Variants in MYO10 observed in about 807,000 individuals in gnomAD.
The protein encoded by MYO10 is myosin X, also known as unconventional myosin-X.
A neutral mutation model predicts 257.3 loss-of-function variants in MYO10; 133 were observed. That is an observed-to-expected ratio of 0.52 (90% CI 0.45 to 0.60). The LOEUF (loss-of-function observed/expected upper bound fraction) is 0.60, where lower values mean the gene tolerates loss of function less well. MYO10 is among the 20% of genes least tolerant of loss of function. The probability of loss-of-function intolerance (pLI) is 0.00; values close to 1 mark genes in which losing one functional copy is unlikely to be tolerated. For missense variants in MYO10, 2,399 were observed against 2,635.7 expected (o/e 0.91, Z 1.97); for synonymous variants, 1,104 against 1,028.6 (o/e 1.07, Z -1.40).
intron 21 of MYO10, among the ~76,000 whole-genome samples, chr5:16,708,637 C>A (rs1175631380): frequency 6.6e-6 from 1 of 152,180 alleles, no homozygotes; most frequent in Non-Finnish European, 1.5e-5. Flanking sequence ...TCAGGGCTCA[C>A]TGCAGTCTTG....
chr5:16,761,386 C>A (rs1740708676), intron 17 of MYO10, 78 bp downstream of exon 17: 2 of 1,151,014 alleles, frequency 1.7e-6, no homozygotes, highest in South Asian at 1.3e-5. Context: ...GCAATTTGTT[C>A]TATATTTGTG....
At chr5:16,805,842 C>T (rs1742260353) in intron 3 of MYO10, among the ~76,000 whole-genome samples, 1 of 152,130 alleles carries the variant, frequency 6.6e-6, no homozygotes, top group African/African-American at 2.4e-5. Context: ...ACAGCTGCAG[C>T]ACAAATTGCT....
At chr5:16,754,700 A>C in intron 19 of MYO10, 128 bp downstream of exon 19, 1 of 523,226 alleles carries the variant, frequency 1.9e-6, no homozygotes, top group South Asian at 5.0e-5. Context: ...TCAAGTTATA[A>C]TAATGTCATA....
At chr5:16,670,433 C>T in intron 39 of MYO10, 93 bp downstream of exon 39, 1 of 1,157,422 alleles carries the variant, frequency 8.6e-7, no homozygotes, top group South Asian at 1.6e-5. Flanking sequence ...CAAAATGCTC[C>T]ATCTTGTCTT....
intron 1 of MYO10, among the ~76,000 whole-genome samples, chr5:16,890,294 A>C (rs1745014243): frequency 6.6e-6 from 1 of 151,918 alleles, no homozygotes; most frequent in Admixed American, 6.5e-5. Context: ...AGAATGTGAA[A>C]TGATGCAGCT....
chr5:16,716,052 T>G (rs1738857493), intron 19 of MYO10, among the ~76,000 whole-genome samples: 1 of 67,230 alleles, frequency 1.5e-5, no homozygotes. Flanking sequence ...TGACACTCCG[T>G]CTCGAAAAAA....
At chr5:16,866,014 A>AACACACACACACACACACAC (rs34718010) in intron 2 of MYO10, among the ~76,000 whole-genome samples, 1 of 136,484 alleles carries the variant, frequency 7.3e-6, no homozygotes, top group African/African-American at 2.8e-5. Flanking sequence ...TATTTACCCA[A>AACACACACACACACACACAC]ACACACACAC....
intron 19 of MYO10, among the ~76,000 whole-genome samples, chr5:16,737,231 T>C (rs952949116): frequency 4.4e-4 from 67 of 152,290 alleles, no homozygotes; most frequent in African/African-American, 1.5e-3. Context: ...AAACTTTGGG[T>C]ATATTACAGA....
intron 1 of MYO10, among the ~76,000 whole-genome samples, chr5:16,934,884 CACTCAGAAAACA>C: frequency 1.3e-5 from 2 of 152,210 alleles, no homozygotes; most frequent in African/African-American, 4.8e-5. Context: ...AGCGGTTCTG[CACTCAGAAAACA>C]TTCCCTGGCT....
chr5:16,830,189 T>C (rs1025509650), intron 2 of MYO10, among the ~76,000 whole-genome samples: 2 of 151,826 alleles, frequency 1.3e-5, no homozygotes, highest in African/African-American at 4.8e-5. Flanking sequence ...TGAGCTGAGA[T>C]TGTGCCACTG....
At chr5:16,903,145 C>T (rs1265366384) in intron 1 of MYO10, among the ~76,000 whole-genome samples, 3 of 152,230 alleles carry the variant, frequency 2.0e-5, no homozygotes, top group Admixed American at 2.0e-4. Context: ...CGATGGCTCA[C>T]GCCTGTAATC....
rs746491243 is a variant in MYO10 at position 16,781,802 on chromosome 5, C to T, written c.630G>A (p.Ala210=). 1.2e-5 allele frequency: 19 copies of T among 1,613,978 alleles called. No individual in the cohort carries two copies. The highest frequency in any genetic ancestry group is 8.9e-5 in the East Asian group (4 of 44,884). Reference sequence around the variant, plus strand: ...TAGAGTTGTTGTTGTACACGGTCTTCGCATTGCCGAAAGCTTCCATGATGG... The same window carrying T: ...TAGAGTTGTTGTTGTACACGGTCTTTGCATTGCCGAAAGCTTCCATGATGG... ...SSPIMEAFGN[A]KTVYNNNSSR... The change falls in exon 6 of 41, where the codon GCG becomes GCA. Residue 210 remains alanine, a synonymous_variant. Transcript: ENST00000513610.
intron 1 of MYO10, among the ~76,000 whole-genome samples, chr5:16,889,541 C>T (rs1744991411): frequency 7.6e-6 from 1 of 131,744 alleles, no homozygotes; most frequent in Non-Finnish European, 1.6e-5. Context: ...GAAGGGCGGA[C>T]GAAAGGAAGG....
chr5:16,798,027 G>C (rs2126684695), intron 3 of MYO10, among the ~76,000 whole-genome samples: 1 of 152,234 alleles, frequency 6.6e-6, no homozygotes, highest in African/African-American at 2.4e-5. Flanking sequence ...TTGCAGAGTG[G>C]GCTCTTAATA....
chr5:16,754,877 C>T lies in MYO10; in HGVS notation c.1880G>A (p.Ser627Asn), dbSNP rs1388809720. ...DSLHSLMATL[S>N]SSNPFFVRCI... ...GCGAACAAAGAAAGGATTAGAGGAGCTTAGCGTTGCCATTAAGGAATGCAG... is the reference window on the plus strand; with the variant it reads ...GCGAACAAAGAAAGGATTAGAGGAGTTTAGCGTTGCCATTAAGGAATGCAG... The change falls in exon 19 of 41, where the codon AGC (serine) becomes AAC (asparagine). Residue 627 changes from serine (S) to asparagine (N), a missense_variant. By Grantham distance (46) the Ser-to-Asn change is conservative. Around this residue, in one of 3 missense-constraint regions of MYO10, gnomAD observed 1,820 missense variants for 1,939.4 expected, o/e 0.94. Coordinates refer to ENST00000513610, the MANE Select transcript of MYO10 (RefSeq NM_012334.3). The T allele has an allele frequency of 1.2e-6, 2 of 1,602,898 alleles. No homozygotes were observed. Among genetic ancestry groups the T allele is most frequent in the South Asian group, 1.1e-5 (1 of 88,762 alleles).
At chr5:16,700,428 G>A (rs1283749752) in intron 25 of MYO10, among the ~76,000 whole-genome samples, 1 of 152,218 alleles carries the variant, frequency 6.6e-6, no homozygotes, top group Non-Finnish European at 1.5e-5. Context: ...TGTAATCCCA[G>A]CACTTTGGGG....
rs147440827 is a variant in MYO10, at chr5:16,871,182, A to G, written c.120+6427T>C. 4.0e-3 allele frequency among the ~76,000 whole-genome samples: 613 copies of G among 152,178 alleles called. 2 individuals carry two copies. Among genetic ancestry groups the G allele is most frequent in the African/African-American group, 0.014 (568 of 41,526 alleles). ...ATCCCCATTAAACAGTAATGTCCAA[A>G]TCTCCCCTCCTCTCAGAAATACCAA... On this transcript the variant is annotated intron_variant, in intron 2 of 40. Coordinates refer to ENST00000513610, the MANE Select transcript of MYO10 (RefSeq NM_012334.3).
chr5:16,896,123 A>C (rs981604001), intron 1 of MYO10, among the ~76,000 whole-genome samples: 5 of 152,162 alleles, frequency 3.3e-5, no homozygotes, highest in African/African-American at 9.7e-5. Flanking sequence ...TAATCTCAGG[A>C]CTCAGAAGGC....
chr5:16,701,970 G>A lies in MYO10; in HGVS notation c.2557-132C>T, dbSNP rs1738102679. 9.6e-7 allele frequency: 1 copy of A among 1,040,616 alleles called. No individual in the cohort carries two copies. The highest frequency in any genetic ancestry group is 1.4e-6 in the Non-Finnish European group (1 of 736,902). The allele number at this position is 1,040,616 out of a possible 1,614,324, so 64.5% of individuals were successfully genotyped here. On this transcript the variant is annotated intron_variant, in intron 24 of 40. Transcript: ENST00000513610. This position sits in a 1 kb window ranked among gnomAD's most constrained non-coding sequence, Gnocchi z 8.1. ...GTCCCCATAAAGTCTATAGGTTGAAGTCCTAACCCCAATACTGCAGAATGT... is the reference window on the plus strand; with the variant it reads ...GTCCCCATAAAGTCTATAGGTTGAAATCCTAACCCCAATACTGCAGAATGT...
Sources: gnomAD v4.1 joint callset for allele counts (sites outside exome capture counted in the v4.1 genomes callset) on GRCh38, gnomAD v4.1.1 for gene constraint, gnomAD v4.1.1 regional missense constraint, Gnocchi (gnomAD v3.1) non-coding constraint, MANE v1.5 for transcripts, NCBI Gene and HGNC (gene_info 2026-07-23, HGNC 2026-07-21) for gene names.